Variants in CLCN1 observed in about 807,000 individuals in gnomAD.
CLCN1 encodes the protein chloride channel protein 1.
Under a neutral mutation model 114.5 loss-of-function variants are expected in CLCN1, and 100 were observed. The ratio of observed to expected loss-of-function variants is 0.87; its 90% CI spans 0.74 to 1.03. The LOEUF (loss-of-function observed/expected upper bound fraction) is 1.03, where lower values mean the gene tolerates loss of function less well. Ranked by LOEUF, CLCN1 falls within the 50% of genes least tolerant of loss-of-function variation. The probability of loss-of-function intolerance (pLI) is 0.00; values close to 1 mark genes in which losing one functional copy is unlikely to be tolerated. For missense variants in CLCN1, 1,188 were observed against 1,250.0 expected (o/e 0.95, Z 0.75); for synonymous variants, 485 against 487.1 (o/e 1.00, Z 0.06).
Position 143,332,843 on chromosome 7 carries a change from C to T in CLCN1, c.1371C>T (p.Val457=), listed in dbSNP as rs368928958. Residue 457 remains valine (V), a synonymous_variant, in exon 12 of 23, where the codon GTC becomes GTT. Transcript: ENST00000343257. ...GGATTCACCCCCGGGTCAACGTTGT[C>T]ATCATCATCTTTCTCTTCTTCGTCA... is the stretch of plus-strand genomic sequence containing the variant. ...AVWIHPRVNV[V]IIIFLFFVMK... 5.6e-5 allele frequency: 90 copies of T among 1,614,062 alleles called. No individual in the cohort carries two copies. The highest frequency in any genetic ancestry group is 7.0e-5 in the Non-Finnish European group (83 of 1,180,038).
At position 143,323,384 on chromosome 7, in the gene CLCN1, G is replaced by T; in HGVS notation, c.772G>T (p.Glu258Ter). Residue 258 changes from glutamate (E) to a stop codon, truncating the protein, a stop_gained and splice_region_variant, in exon 6 of 23, where the codon GAG becomes TAG. Coordinates refer to ENST00000343257, the MANE Select transcript of CLCN1 (RefSeq NM_000083.3). LOFTEE classifies it high-confidence loss of function. ...CATGTCTGTGTTCTGCGGGGTATAT[G>T]AGGTAAGGTTGAGACAGTGAAATGA... is the stretch of plus-strand genomic sequence containing the variant. ...KFMSVFCGVY[E>*]QPYYYSDILT... 6.2e-7 allele frequency: 1 copy of T among 1,610,316 alleles called. No homozygotes were observed. The highest frequency in any genetic ancestry group is 8.5e-7 in the Non-Finnish European group (1 of 1,176,600).
chr7:143,350,890 G>C lies in CLCN1; in HGVS notation c.2595+236G>C, dbSNP rs758457572. 6.6e-6 allele frequency among the ~76,000 whole-genome samples: 1 copy of C among 151,756 alleles called. No individual in the cohort carries two copies. Among genetic ancestry groups the C allele is most frequent in the Non-Finnish European group, 1.5e-5 (1 of 67,998 alleles). On this transcript the variant is annotated intron_variant, in intron 22 of 22. Coordinates refer to ENST00000343257, the MANE Select transcript of CLCN1 (RefSeq NM_000083.3). This position sits in a 1 kb window ranked among gnomAD's most constrained non-coding sequence, Gnocchi z 5.1. Reference sequence around the variant, plus strand: ...CCTCCCGGGTTCAAGTGATTCTCCTGCCTCAGCCTCCCAAGTAGCTGGGAT... The same window carrying C: ...CCTCCCGGGTTCAAGTGATTCTCCTCCCTCAGCCTCCCAAGTAGCTGGGAT...
chr7:143,341,584 T>C (rs1488660117), intron 14 of CLCN1, among the ~76,000 whole-genome samples: 1 of 149,462 alleles, frequency 6.7e-6, no homozygotes, highest in Non-Finnish European at 1.5e-5. Context: ...ATAATAATAA[T>C]AATAATAATA....
chr7:143,329,188 G>A (rs1382749171), intron 7 of CLCN1, among the ~76,000 whole-genome samples: 4 of 151,970 alleles, frequency 2.6e-5, no homozygotes, highest in Admixed American at 6.6e-5. Flanking sequence ...GGCTGGCCTC[G>A]AACTCCTGAC....
chr7:143,350,731 G>T lies in CLCN1; in HGVS notation c.2595+77G>T. The T allele has an allele frequency of 9.7e-7, 1 of 1,025,766 alleles. No individual in the cohort carries two copies. The highest frequency in any genetic ancestry group is 2.4e-5 in the East Asian group (1 of 41,942). 63.5% of individuals were successfully genotyped at this position (1,025,766 alleles called of 1,614,324 possible). A position where few individuals can be genotyped will look rare whatever the true frequency, so the allele number is the denominator to read the frequency against. On this transcript the variant is annotated intron_variant, in intron 22 of 22. Coordinates refer to ENST00000343257, the MANE Select transcript of CLCN1 (RefSeq NM_000083.3). The surrounding 1 kb of genome is among the most constrained non-coding windows in gnomAD (Gnocchi z 5.1). ...TAAGGGGATGCAGTGGGGACAGAAGGAATATTAGCATCTCAGAAGTCCCCT... is the reference window on the plus strand; with the variant it reads ...TAAGGGGATGCAGTGGGGACAGAAGTAATATTAGCATCTCAGAAGTCCCCT...
intron 7 of CLCN1, among the ~76,000 whole-genome samples, chr7:143,325,221 T>C (rs930292637): frequency 1.3e-5 from 2 of 152,180 alleles, no homozygotes; most frequent in East Asian, 1.9e-4. Flanking sequence ...ACTGGATTCA[T>C]TGATGATAAA....
At chr7:143,326,636 A>G (rs1439329079) in intron 7 of CLCN1, among the ~76,000 whole-genome samples, 1 of 152,226 alleles carries the variant, frequency 6.6e-6, no homozygotes, top group Non-Finnish European at 1.5e-5. Flanking sequence ...TGAGGCTTGA[A>G]TAATAAGTAG....
Position 143,324,504 on chromosome 7 carries a change from A to AC in CLCN1, c.853+17dup, listed in dbSNP as rs763191456. The stretch of plus-strand genomic sequence containing the variant: ...GACACCACTTGGAGGCAAGTGATTG[A>AC]CCCCCTCCCCCATCAATCGGCTTGC... On this transcript the variant is annotated intron_variant, in intron 7 of 22. Coordinates refer to ENST00000343257, the MANE Select transcript of CLCN1 (RefSeq NM_000083.3). The surrounding 1 kb of genome is among the most constrained non-coding windows in gnomAD (Gnocchi z 4.6). 23 of 1,604,170 alleles carry AC rather than the reference A, an allele frequency of 1.4e-5. No homozygotes were observed. The South Asian group carries it at 2.3e-4, about 16-fold the overall frequency.
Position 143,339,980 on chromosome 7 carries a change from G to A in CLCN1, c.1582+359G>A, listed in dbSNP as rs187470811. Reference sequence around the variant, plus strand: ...GCAGGTGATTGACTCAACCTGAGACGTGTTGATATTGATGGGTAGTTAAGA... The same window carrying A: ...GCAGGTGATTGACTCAACCTGAGACATGTTGATATTGATGGGTAGTTAAGA... On this transcript the variant is annotated intron_variant, in intron 14 of 22. Transcript: ENST00000343257. This position sits in a 1 kb window ranked among gnomAD's most constrained non-coding sequence, Gnocchi z 4.1. 1.2e-4 allele frequency among the ~76,000 whole-genome samples: 19 copies of A among 152,292 alleles called. No homozygotes were observed. Among genetic ancestry groups the A allele is most frequent in the Non-Finnish European group, 2.4e-4 (16 of 68,030 alleles).
intron 7 of CLCN1, 56 bp from the exon 8 acceptor site, chr7:143,330,716 G>A (rs1450742843): frequency 1.2e-6 from 2 of 1,612,182 alleles, no homozygotes; most frequent in Non-Finnish European, 1.7e-6. Context: ...AGTGGGGAGT[G>A]TGGGGGAGCA....
chr7:143,324,466 G>A lies in CLCN1; in HGVS notation c.827G>A (p.Gly276Asp). The change falls in exon 7 of 23, where the codon GGC becomes GAC. Residue 276 changes from glycine to aspartate, a missense_variant. Transcript: ENST00000343257. This position sits in a 1 kb window ranked among gnomAD's most constrained non-coding sequence, Gnocchi z 4.6. The part of the protein sequence containing the change: ...ILTVGCAVGV[G>D]CCFGTPLGGV... ...ACGGTGGGCTGTGCTGTGGGAGTCGGCTGTTGTTTTGGGACACCACTTGGA... is the reference window on the plus strand; with the variant it reads ...ACGGTGGGCTGTGCTGTGGGAGTCGACTGTTGTTTTGGGACACCACTTGGA... The A allele has an allele frequency of 1.9e-6, 3 of 1,613,912 alleles. No homozygotes were observed. The highest frequency in any genetic ancestry group is 2.5e-6 in the Non-Finnish European group (3 of 1,179,966).
Position 143,330,296 on chromosome 7 carries a change from G to A in CLCN1, c.854-476G>A, listed in dbSNP as rs577559492. Among the ~76,000 whole-genome samples, 25 of 152,268 alleles carry A rather than the reference G, an allele frequency of 1.6e-4. 1 individual carries two copies. Among genetic ancestry groups the A allele is most frequent in the Middle Eastern group, 3.4e-3 (1 of 294 alleles). ...CAGGGTACATGGTATATGTAGAACG[G>A]TAGGAAAGTCCAGAGGAGGGTGTTA... On this transcript the variant is annotated intron_variant, in intron 7 of 22. Coordinates refer to ENST00000343257, the MANE Select transcript of CLCN1 (RefSeq NM_000083.3).
intron 2 of CLCN1, 93 bp from the exon 3 acceptor site, chr7:143,320,571 C>G: frequency 1.4e-4 from 116 of 839,172 alleles, no homozygotes; most frequent in East Asian, 2.4e-4. Flanking sequence ...CTCTCTCTCT[C>G]TCTCTCTCTC....
intron 7 of CLCN1, among the ~76,000 whole-genome samples, chr7:143,329,550 A>G (rs1206207096): frequency 1.3e-5 from 2 of 152,188 alleles, no homozygotes; most frequent in East Asian, 1.9e-4. Flanking sequence ...TGTCACCTGT[A>G]GAAGAGAAGG....
Position 143,321,568 on chromosome 7 carries a change from GCC to G in CLCN1, c.562+78_562+79del. The G allele has an allele frequency of 6.2e-7, 1 of 1,610,640 alleles. No individual in the cohort carries two copies. Among genetic ancestry groups the G allele is most frequent in the Non-Finnish European group, 8.5e-7 (1 of 1,178,224 alleles). ...CCCTGTCTGTCTCCCCCATCATCCA[GCC>G]CCACCCACAGCCCTGTGCTGCCTTG... is the stretch of plus-strand genomic sequence containing the variant. On this transcript the variant is annotated intron_variant, in intron 4 of 22. Coordinates refer to ENST00000343257, the MANE Select transcript of CLCN1 (RefSeq NM_000083.3). The surrounding 1 kb of genome is among the most constrained non-coding windows in gnomAD (Gnocchi z 4.2).
chr7:143,351,152 C>G (rs1264799759), intron 22 of CLCN1, among the ~76,000 whole-genome samples: 1 of 151,994 alleles, frequency 6.6e-6, no homozygotes, highest in African/African-American at 2.4e-5. Flanking sequence ...GACTACGAAG[C>G]CTGTTATGGC....
chr7:143,321,805 C>T lies in CLCN1; in HGVS notation c.653C>T (p.Ala218Val). 1 of 1,614,240 alleles carries T rather than the reference C, an allele frequency of 6.2e-7. No individual in the cohort carries two copies. Among genetic ancestry groups the T allele is most frequent in the Non-Finnish European group, 8.5e-7 (1 of 1,180,044 alleles). Residue 218 changes from alanine (A) to valine (V), a missense_variant, in exon 5 of 23, where the codon GCC becomes GTC. Ala to Val is a moderately conservative substitution (Grantham distance 64). Transcript: ENST00000343257. The surrounding 1 kb of genome is among the most constrained non-coding windows in gnomAD (Gnocchi z 4.2). ...TMKAFVAKVV[A>V]LTAGLGSGIP... ...AAAGCCTTTGTGGCCAAGGTTGTCGCCCTGACTGCGGGCCTGGGCAGTGGC... is the reference window on the plus strand; with the variant it reads ...AAAGCCTTTGTGGCCAAGGTTGTCGTCCTGACTGCGGGCCTGGGCAGTGGC...
At chr7:143,327,716 G>T (rs142575256) in intron 7 of CLCN1, among the ~76,000 whole-genome samples, 12 of 152,188 alleles carry the variant, frequency 7.9e-5, no homozygotes, top group African/African-American at 2.9e-4. Flanking sequence ...GTGCAGTGGC[G>T]CAATTTTGGC....
At chr7:143,340,344 T>G (rs1803044325) in intron 14 of CLCN1, among the ~76,000 whole-genome samples, 1 of 152,180 alleles carries the variant, frequency 6.6e-6, no homozygotes, top group Non-Finnish European at 1.5e-5. Flanking sequence ...TCTTCATGAC[T>G]CCCTGGTACA....
Sources: gnomAD v4.1 joint callset for allele counts (sites outside exome capture counted in the v4.1 genomes callset) on GRCh38, gnomAD v4.1.1 for gene constraint, Gnocchi (gnomAD v3.1) non-coding constraint, MANE v1.5 for transcripts, NCBI Gene and HGNC (gene_info 2026-07-23, HGNC 2026-07-21) for gene names.